The following CAMK4 variants were observed in gnomAD, a reference collection of about 807,000 sequenced individuals.
CAMK4 encodes the protein calcium/calmodulin dependent protein kinase IV.
A neutral mutation model predicts 44.9 loss-of-function variants in CAMK4; 22 were observed. The ratio of observed to expected loss-of-function variants is 0.49; its 90% CI spans 0.35 to 0.70. CAMK4 has a LOEUF of 0.70. Ranked by LOEUF, CAMK4 falls within the 30% of genes least tolerant of loss-of-function variation. CAMK4 has a pLI of 0.01. For missense variants in CAMK4, 498 were observed against 586.8 expected (o/e 0.85, Z 1.56); for synonymous variants, 218 against 215.4 (o/e 1.01, Z -0.11).
In CAMK4 at chr5:111,224,418, C is replaced by G. The variant is rs1441806364; in HGVS notation, c.-66C>G. The stretch of plus-strand genomic sequence containing the variant: ...TCCTGCGTTCGCAGGCGGCGGCTGG[C>G]GGCCGGCTTCTCGCTCGGGCAGCGG... On this transcript the variant is annotated 5_prime_UTR_variant, in exon 1 of 11. Coordinates refer to ENST00000282356, the MANE Select transcript of CAMK4 (RefSeq NM_001744.6). This position sits in a 1 kb window ranked among gnomAD's most constrained non-coding sequence, Gnocchi z 5.7. The G allele has an allele frequency of 6.7e-7, 1 of 1,498,172 alleles. No homozygotes were observed. The highest frequency in any genetic ancestry group is 8.9e-7 in the Non-Finnish European group (1 of 1,128,014). 92.8% of individuals were successfully genotyped at this position (1,498,172 alleles called of 1,614,324 possible).
chr5:111,458,556 G>T (rs1027184864), intron 7 of CAMK4, among the ~76,000 whole-genome samples: 1 of 143,428 alleles, frequency 7.0e-6, no homozygotes, highest in African/African-American at 2.5e-5. Context: ...TCTTCCTTAA[G>T]TATACTGTAA....
chr5:111,277,012 G>A (rs923621128), intron 1 of CAMK4, among the ~76,000 whole-genome samples: 6 of 152,038 alleles, frequency 3.9e-5, no homozygotes, highest in African/African-American at 9.7e-5. Flanking sequence ...GAAATTAGAC[G>A]TTTTAAATGA....
At chr5:111,245,075 T>C (rs1749173484) in intron 1 of CAMK4, among the ~76,000 whole-genome samples, 1 of 152,154 alleles carries the variant, frequency 6.6e-6, no homozygotes. Flanking sequence ...TTAGCAAAAC[T>C]CACATGGAGG....
chr5:111,477,163 CG>C (rs1239045447), intron 8 of CAMK4, among the ~76,000 whole-genome samples: 3 of 152,104 alleles, frequency 2.0e-5, no homozygotes. Flanking sequence ...GGGTCAGGAG[CG>C]GGATTCTCTG....
rs993552519 is a variant in CAMK4, at chr5:111,484,592, A to G, written c.*126A>G. 1 of 500,412 alleles carries G rather than the reference A, an allele frequency of 2.0e-6. No homozygotes were observed. The highest frequency in any genetic ancestry group is 3.3e-6 in the Non-Finnish European group (1 of 304,076). 31.0% of individuals were successfully genotyped at this position (500,412 alleles called of 1,614,324 possible). On this transcript the variant is annotated 3_prime_UTR_variant, in exon 11 of 11. Transcript: ENST00000282356. This position sits in a 1 kb window ranked among gnomAD's most constrained non-coding sequence, Gnocchi z 5.3. ...TTTTTGAGGTGCAAAAAACATACAT[A>G]TATACCAGTTGGTAATTCTAACTTC...
intron 1 of CAMK4, among the ~76,000 whole-genome samples, chr5:111,336,481 A>AT (rs1004418641): frequency 4.0e-4 from 16 of 39,838 alleles, no homozygotes; most frequent in Admixed American, 1.1e-3. Context: ...AATATAGGTT[A>AT]TTTTTTTGAG....
chr5:111,241,460 A>G (rs549392324), intron 1 of CAMK4, among the ~76,000 whole-genome samples: 56 of 152,302 alleles, frequency 3.7e-4, no homozygotes, highest in African/African-American at 1.3e-3. Context: ...GCACGATGTC[A>G]TGTGACATCT....
chr5:111,311,752 C>G (rs1267766743), intron 1 of CAMK4, among the ~76,000 whole-genome samples: 1 of 152,138 alleles, frequency 6.6e-6, no homozygotes, highest in African/African-American at 2.4e-5. Context: ...TCTTGTTTCT[C>G]AAGGACAATC....
intron 1 of CAMK4, among the ~76,000 whole-genome samples, chr5:111,244,067 G>C (rs1218396122): frequency 6.6e-6 from 1 of 152,154 alleles, no homozygotes; most frequent in East Asian, 1.9e-4. Context: ...CCAGAACCTT[G>C]GTCTTCTGCA....
chr5:111,381,537 G>A (rs306121), intron 4 of CAMK4, among the ~76,000 whole-genome samples: 133,778 of 152,094 alleles, frequency 0.88, 59,051 homozygotes, highest in East Asian at 1. Context: ...GTCTTTCCAC[G>A]TTCTTCTGCC....
At chr5:111,331,570 A>G (rs1580604651) in intron 1 of CAMK4, among the ~76,000 whole-genome samples, 1 of 151,722 alleles carries the variant, frequency 6.6e-6, no homozygotes, top group South Asian at 2.1e-4. Context: ...TCATTTGTGT[A>G]TAACACCTGC....
chr5:111,368,732 T>C (rs1158141556), intron 2 of CAMK4, among the ~76,000 whole-genome samples: 3 of 152,106 alleles, frequency 2.0e-5, no homozygotes, highest in Admixed American at 2.0e-4. Flanking sequence ...AAATCAGGTT[T>C]TGTTGCTTAG....
At chr5:111,271,134 G>T (rs1750496761) in intron 1 of CAMK4, among the ~76,000 whole-genome samples, 3 of 152,168 alleles carry the variant, frequency 2.0e-5, no homozygotes, top group African/African-American at 7.2e-5. Flanking sequence ...GACACTTGGG[G>T]ATAATGGGGA....
At chr5:111,476,271 TTGTG>T (rs59191685) in intron 8 of CAMK4, among the ~76,000 whole-genome samples, 1 of 127,314 alleles carries the variant, frequency 7.9e-6, no homozygotes, top group South Asian at 2.7e-4. Context: ...GTGTGTGTGT[TTGTG>T]TGTGTGTGTG....
chr5:111,455,209 A>T (rs962360338), intron 7 of CAMK4, among the ~76,000 whole-genome samples: 1 of 152,232 alleles, frequency 6.6e-6, no homozygotes, highest in African/African-American at 2.4e-5. Context: ...TTCCTACGAT[A>T]TGCAGAAATC....
Position 111,290,769 on chromosome 5 carries a change from C to T in CAMK4, c.162-53255C>T, listed in dbSNP as rs1018919556. ...AGAAGTGGGAGAAGTGCTGGGCAGG[C>T]ATGAGGTAAGGTGTCAAGGGTCCCC... On this transcript the variant is annotated intron_variant, in intron 1 of 10. Transcript: ENST00000282356. This position sits in a 1 kb window ranked among gnomAD's most constrained non-coding sequence, Gnocchi z 4.5. Among the ~76,000 whole-genome samples the T allele has an allele frequency of 6.6e-6, 1 of 152,118 alleles. No individual in the cohort carries two copies. Among genetic ancestry groups the T allele is most frequent in the Non-Finnish European group, 1.5e-5 (1 of 68,022 alleles).
rs760929042 is a variant in CAMK4, at chr5:111,484,199, C to T, written c.1155C>T (p.Ala385=). The T allele has an allele frequency of 3.2e-5, 51 of 1,613,922 alleles. No homozygotes were observed. Among genetic ancestry groups the T allele is most frequent in the Admixed American group, 1.3e-4 (8 of 59,992 alleles). Residue 385 remains alanine (A), a synonymous_variant, in exon 11 of 11, where the codon GCC becomes GCT. Transcript: ENST00000282356. This position sits in a 1 kb window ranked among gnomAD's most constrained non-coding sequence, Gnocchi z 5.3. ...AAATTCAAGGCGATGGGGCCCAAGC[C>T]GCAGTTAAGGGGGCACAGGCTGAGC... The part of the protein sequence containing the change: ...GEKIQGDGAQ[A]AVKGAQAELM...
At chr5:111,355,789 G>A (rs1750322972) in intron 2 of CAMK4, among the ~76,000 whole-genome samples, 1 of 150,668 alleles carries the variant, frequency 6.6e-6, no homozygotes, top group Admixed American at 6.6e-5. Context: ...TACCGAGAAT[G>A]ATGATTTCCA....
chr5:111,390,151 T>G (rs994138268), intron 4 of CAMK4, among the ~76,000 whole-genome samples: 11 of 152,150 alleles, frequency 7.2e-5, no homozygotes, highest in Admixed American at 3.3e-4. Flanking sequence ...TCCCTAGATA[T>G]TGTAATCTAT....
Sources: allele counts gnomAD v4.1 joint callset (sites outside exome capture counted in the v4.1 genomes callset), GRCh38; gene constraint gnomAD v4.1.1; non-coding constraint Gnocchi (gnomAD v3.1); transcripts MANE v1.5; gene names NCBI Gene and HGNC (gene_info 2026-07-23, HGNC 2026-07-21).